Variants in DNAH14 observed in about 807,000 individuals in gnomAD.
DNAH14 encodes the protein axonemal beta dynein heavy chain 14.
Under a neutral mutation model 520.9 loss-of-function variants are expected in DNAH14, and 478 were observed. The observed-to-expected ratio is 0.92, with a 90% CI of 0.85 to 0.99. DNAH14 has a LOEUF of 0.99. Ranked by LOEUF, DNAH14 falls within the 50% of genes least tolerant of loss-of-function variation. DNAH14 has a pLI of 0.00. For synonymous variants in DNAH14, 1,581 were observed against 1,757.2 expected, an observed-to-expected ratio of 0.90 and a Z score of 2.51; for missense variants, 4,831 against 5,234.5, an observed-to-expected ratio of 0.92 and a Z score of 2.38.
chr1:225,285,957 A>C (rs1229367369), intron 54 of DNAH14, among the ~76,000 whole-genome samples: 3 of 152,210 alleles, frequency 2.0e-5, no homozygotes, highest in Admixed American at 2.0e-4. Flanking sequence ...GTTGATGGAC[A>C]TTTGGCTTAT....
At chr1:224,952,853 AT>A (rs1316690445) in intron 2 of DNAH14, 74 bp downstream of exon 2, 27 of 1,044,504 alleles carry the variant, frequency 2.6e-5, no homozygotes, top group Non-Finnish European at 3.7e-5. Context: ...GTGGTAAGCC[AT>A]TCTGACAGTG....
intron 7 of DNAH14, 149 bp from the exon 8 acceptor site, chr1:224,973,942 T>G (rs2061652875): frequency 5.6e-6 from 2 of 359,978 alleles, no homozygotes; most frequent in Admixed American, 1.0e-4. Flanking sequence ...GGGAGAAAAT[T>G]TATATGGCTT....
intron 8 of DNAH14, among the ~76,000 whole-genome samples, chr1:225,001,759 A>G (rs1316698770): frequency 6.6e-6 from 1 of 152,048 alleles, no homozygotes; most frequent in Non-Finnish European, 1.5e-5. Flanking sequence ...AAGTACTGAG[A>G]TTGTGTTTGC....
chr1:225,214,181 T>C (rs1441343659), intron 41 of DNAH14, among the ~76,000 whole-genome samples: 1 of 152,162 alleles, frequency 6.6e-6, no homozygotes, highest in Admixed American at 6.5e-5. Flanking sequence ...GGTTTTTGTC[T>C]TTGGTTCTGT....
chr1:224,947,514 T>C (rs1467720101), intron 1 of DNAH14, among the ~76,000 whole-genome samples: 2 of 152,194 alleles, frequency 1.3e-5, no homozygotes, highest in African/African-American at 4.8e-5. Flanking sequence ...CTCAGTAATA[T>C]TTTGCTCTTT....
At chr1:225,371,962 C>T (rs1262305349) in intron 77 of DNAH14, among the ~76,000 whole-genome samples, 2 of 152,110 alleles carry the variant, frequency 1.3e-5, no homozygotes, top group Non-Finnish European at 2.9e-5. Flanking sequence ...TTAATTCCCA[C>T]AACAACATTA....
At chr1:225,233,884 T>C (rs1470738395) in intron 42 of DNAH14, among the ~76,000 whole-genome samples, 1 of 152,190 alleles carries the variant, frequency 6.6e-6, no homozygotes, top group Non-Finnish European at 1.5e-5. Context: ...TGAATGGTAT[T>C]TGCCTAGATT....
At chr1:225,362,833 T>G (rs1047604212) in intron 75 of DNAH14, among the ~76,000 whole-genome samples, 8 of 152,118 alleles carry the variant, frequency 5.3e-5, no homozygotes, top group Non-Finnish European at 1.0e-4. Context: ...TAGTGATATA[T>G]GTTCACAACA....
chr1:225,160,564 G>A (rs940517859), intron 35 of DNAH14, among the ~76,000 whole-genome samples: 2 of 152,022 alleles, frequency 1.3e-5, no homozygotes, highest in African/African-American at 4.8e-5. Flanking sequence ...GTTCTAATCT[G>A]TGAAATTAAA....
chr1:225,080,221 C>G (rs1558890106), intron 18 of DNAH14, among the ~76,000 whole-genome samples, 158 bp from the exon 19 acceptor site: 1 of 152,160 alleles, frequency 6.6e-6, no homozygotes, highest in Non-Finnish European at 1.5e-5. Context: ...CTGGGCCAAT[C>G]TTTATCTTTG....
At chr1:225,078,536 G>T (rs1333715610) in intron 17 of DNAH14, among the ~76,000 whole-genome samples, 1 of 152,192 alleles carries the variant, frequency 6.6e-6, no homozygotes, top group African/African-American at 2.4e-5. Context: ...ATTTGGTCAT[G>T]TTAATGCCCC....
At chr1:225,203,284 T>A (rs1358490718) in intron 38 of DNAH14, among the ~76,000 whole-genome samples, 1 of 152,212 alleles carries the variant, frequency 6.6e-6, no homozygotes, top group Non-Finnish European at 1.5e-5. Context: ...TAGAGCATAA[T>A]GATGTATATC....
At chr1:225,074,257 C>T (rs2071959841) in intron 17 of DNAH14, among the ~76,000 whole-genome samples, 1 of 152,136 alleles carries the variant, frequency 6.6e-6, no homozygotes. Context: ...CCTCGGCCTC[C>T]CAAAGTGCTG....
At chr1:225,140,717 TTA>T (rs201300824) in intron 27 of DNAH14, 49 bp from the exon 28 acceptor site, 79 of 1,248,610 alleles carry the variant, frequency 6.3e-5, no homozygotes, top group Non-Finnish European at 7.3e-5. Context: ...TATGCTTCAA[TTA>T]TATATATATA....
Position 225,360,817 on chromosome 1 carries a change from A to G in DNAH14, c.11913A>G (p.Thr3971=). Residue 3971 remains threonine, a synonymous_variant, in exon 75 of 86, where the codon ACA becomes ACG. Transcript: ENST00000682510. ...TCATTTTAAAGGCACTAACAAAAAC[A>G]CAACAATGGGTCTTCCTCCAGAACT... is the stretch of plus-strand genomic sequence containing the variant. The part of the protein sequence containing the change: ...EDLILKALTK[T]QQWVFLQNCH... 1 of 1,551,748 alleles carries G rather than the reference A, an allele frequency of 6.4e-7. No individual in the cohort carries two copies. The highest frequency in any genetic ancestry group is 1.2e-5 in the South Asian group (1 of 84,064).
intron 43 of DNAH14, among the ~76,000 whole-genome samples, chr1:225,242,201 T>C (rs1272180538): frequency 2.6e-5 from 4 of 152,088 alleles, no homozygotes; most frequent in Non-Finnish European, 5.9e-5. Flanking sequence ...GCTCCTGTAC[T>C]CCAGCCTGGG....
chr1:225,100,968 A>G, intron 23 of DNAH14, 84 bp downstream of exon 23: 1 of 1,119,852 alleles, frequency 8.9e-7, no homozygotes, highest in Non-Finnish European at 1.2e-6. Flanking sequence ...TGCAGAAGCT[A>G]ATTCCAGTGC....
intron 24 of DNAH14, 27 bp downstream of exon 24, chr1:225,117,815 A>G: frequency 6.5e-7 from 1 of 1,527,050 alleles, no homozygotes; most frequent in Non-Finnish European, 8.9e-7. Context: ...CTGCTCAGCA[A>G]TATTATATTA....
At chr1:225,191,866 A>G (rs1210705206) in intron 37 of DNAH14, among the ~76,000 whole-genome samples, 1 of 151,314 alleles carries the variant, frequency 6.6e-6, no homozygotes, top group Non-Finnish European at 1.5e-5. Flanking sequence ...CAACTATTTT[A>G]TTTTTCAGCT....
Sources: allele counts gnomAD v4.1 joint callset (sites outside exome capture counted in the v4.1 genomes callset), GRCh38; gene constraint gnomAD v4.1.1; transcripts MANE v1.5; gene names NCBI Gene and HGNC (gene_info 2026-07-23, HGNC 2026-07-21).